The following CPNE5 variants were observed in gnomAD, a reference collection of about 807,000 sequenced individuals.
CPNE5 encodes the protein copine-5.
In CPNE5, 42 loss-of-function variants were observed where a neutral mutation model predicts 81.1. The ratio of observed to expected loss-of-function variants is 0.52; its 90% CI spans 0.40 to 0.67. The LOEUF is 0.67. Ranked by LOEUF, CPNE5 falls within the 30% of genes least tolerant of loss-of-function variation. CPNE5 has a pLI of 0.00. For synonymous variants in CPNE5, 313 were observed against 321.5 expected, an observed-to-expected ratio of 0.97 and a Z score of 0.28; for missense variants, 612 against 815.5, an observed-to-expected ratio of 0.75 and a Z score of 3.04.
intron 14 of CPNE5, among the ~76,000 whole-genome samples, chr6:36,751,109 A>T (rs1287862090): frequency 6.6e-6 from 1 of 152,248 alleles, no homozygotes; most frequent in African/African-American, 2.4e-5. Context: ...CTGGGCATGC[A>T]TGCCAGGCTC....
rs1237575351 is a variant in CPNE5 at position 36,775,047 on chromosome 6, C to A, written c.651G>T (p.Lys217Asn). 1 of 1,614,074 alleles carries A rather than the reference C, an allele frequency of 6.2e-7. No homozygotes were observed. Among genetic ancestry groups the A allele is most frequent in the South Asian group, 1.1e-5 (1 of 91,068 alleles). The part of the protein sequence containing the change: ...NEDGTFTICH[K>N]TEVMKNTLNP... Reference sequence around the variant, plus strand: ...TTAGGGTGTTCTTCATGACCTCGGTCTTGTGGCAAATGGTGAACCTGGTGA... The same window carrying A: ...TTAGGGTGTTCTTCATGACCTCGGTATTGTGGCAAATGGTGAACCTGGTGA... The change falls in exon 10 of 21, where the codon AAG becomes AAT. Residue 217 changes from lysine to asparagine, a missense_variant. Coordinates refer to ENST00000244751, the MANE Select transcript of CPNE5 (RefSeq NM_020939.2).
intron 12 of CPNE5, among the ~76,000 whole-genome samples, chr6:36,760,981 C>T (rs920609433): frequency 2.0e-5 from 3 of 152,226 alleles, no homozygotes; most frequent in Admixed American, 1.3e-4. Flanking sequence ...AGTGCTTCTG[C>T]CTCCCAGTGT....
chr6:36,838,402 G>A (rs1425883208), intron 1 of CPNE5, among the ~76,000 whole-genome samples: 5 of 152,236 alleles, frequency 3.3e-5, no homozygotes, highest in Non-Finnish European at 7.3e-5. Flanking sequence ...GCCACAGAGA[G>A]ACTGAACTAG....
At chr6:36,777,774 A>ACACACACC (rs1767674834) in intron 9 of CPNE5, among the ~76,000 whole-genome samples, 1 of 9,290 alleles carries the variant, frequency 1.1e-4, no homozygotes, top group African/African-American at 2.8e-4. Flanking sequence ...CACCACACAC[A>ACACACACC]CACACACACA....
chr6:36,780,597 G>A (rs549796817), intron 8 of CPNE5, among the ~76,000 whole-genome samples: 4 of 152,256 alleles, frequency 2.6e-5, no homozygotes, highest in East Asian at 1.9e-4. Flanking sequence ...CGCTGTGTGC[G>A]TGTGAGCTGT....
At chr6:36,799,865 C>T in intron 4 of CPNE5, 102 bp downstream of exon 4, 1 of 831,472 alleles carries the variant, frequency 1.2e-6, no homozygotes, top group Admixed American at 2.0e-5. Context: ...CCTGGGCTCC[C>T]ACTAATTTCT....
chr6:36,810,847 G>A (rs1458210294), intron 3 of CPNE5, among the ~76,000 whole-genome samples: 1 of 152,202 alleles, frequency 6.6e-6, no homozygotes, highest in East Asian at 1.9e-4. Flanking sequence ...TTTTGTTAAG[G>A]CTTCCAGGTA....
At chr6:36,752,905 A>T (rs2150381721) in intron 14 of CPNE5, 129 bp downstream of exon 14, 1 of 700,482 alleles carries the variant, frequency 1.4e-6, no homozygotes, top group South Asian at 1.8e-5. Context: ...GGGTTTGCTC[A>T]GAGCCCAGCA....
At chr6:36,829,965 C>T (rs1362621060) in intron 1 of CPNE5, among the ~76,000 whole-genome samples, 4 of 151,522 alleles carry the variant, frequency 2.6e-5, no homozygotes, top group African/African-American at 9.7e-5. Context: ...AAACATCTGG[C>T]AAATGGAGTG....
intron 16 of CPNE5, among the ~76,000 whole-genome samples, chr6:36,745,976 C>T (rs1764113903): frequency 6.6e-6 from 1 of 152,198 alleles, no homozygotes; most frequent in Admixed American, 6.5e-5. Flanking sequence ...CCTGTGCAAT[C>T]ATCTCCACAG....
chr6:36,773,006 AT>A (rs886594514), intron 10 of CPNE5, among the ~76,000 whole-genome samples: 13 of 151,906 alleles, frequency 8.6e-5, no homozygotes, highest in African/African-American at 3.1e-4. Context: ...TACCCAGATA[AT>A]TTTTTTTAAT....
chr6:36,748,182 C>G lies in CPNE5; in HGVS notation c.1018+39G>C, dbSNP rs753722526. On this transcript the variant is annotated intron_variant, in intron 15 of 20. Coordinates refer to ENST00000244751, the MANE Select transcript of CPNE5 (RefSeq NM_020939.2). ...AGATGCCACAGCCCTTAAAAGCTCT[C>G]TCCTCCCACCCTGCTCCTCTACCCA... 2.5e-5 allele frequency: 40 copies of G among 1,601,262 alleles called. No individual in the cohort carries two copies. The Middle Eastern group carries it at 1.5e-3, about 59-fold the overall frequency.
Position 36,742,466 on chromosome 6 carries a change from G to A in CPNE5, c.1584C>T (p.Tyr528=), listed in dbSNP as rs200166457. 10 of 1,612,590 alleles carry A rather than the reference G, an allele frequency of 6.2e-6. No homozygotes were observed. The highest frequency in any genetic ancestry group is 2.7e-5 in the African/African-American group (2 of 75,032). The change falls in exon 21 of 21, where the codon TAC becomes TAT. Residue 528 remains tyrosine (Y), a synonymous_variant. Transcript: ENST00000244751. ...GCACGTGGTTGCCTGTGCGGTCCAC[G>A]TAGTCCCGGAAGGGTACAAACTGGC... ...DIVQFVPFRD[Y]VDRTGNHVLS... is the part of the protein sequence containing the mutation.
chr6:36,753,278 G>A (rs1765045635), intron 13 of CPNE5, among the ~76,000 whole-genome samples, 183 bp from the exon 14 acceptor site: 1 of 152,232 alleles, frequency 6.6e-6, no homozygotes, highest in Non-Finnish European at 1.5e-5. Context: ...CAAGGAAACT[G>A]AAACCCAAAG....
chr6:36,827,723 C>A (rs1439734811), intron 1 of CPNE5: 5 of 985,420 alleles, frequency 5.1e-6, no homozygotes, highest in Non-Finnish European at 6.0e-6. Flanking sequence ...AAGCACACAG[C>A]CAAAAGCCTG....
At chr6:36,756,150 G>A (rs565536465) in intron 13 of CPNE5, 95 bp downstream of exon 13, 2 of 885,764 alleles carry the variant, frequency 2.3e-6, no homozygotes, top group African/African-American at 1.7e-5. Context: ...CTCAGCCCCT[G>A]CACACACACA....
intron 12 of CPNE5, chr6:36,757,360 T>C: frequency 1.2e-5 from 12 of 985,452 alleles, no homozygotes; most frequent in Non-Finnish European, 1.3e-5. Flanking sequence ...GGCCGTCAGC[T>C]GATCTTTACC....
At chr6:36,752,151 G>A (rs1764909928) in intron 14 of CPNE5, among the ~76,000 whole-genome samples, 1 of 152,120 alleles carries the variant, frequency 6.6e-6, no homozygotes, top group Non-Finnish European at 1.5e-5. Flanking sequence ...GGAGAACCAG[G>A]CAGCCAAGGG....
At chr6:36,779,902 C>T (rs979057819) in intron 8 of CPNE5, among the ~76,000 whole-genome samples, 5 of 152,144 alleles carry the variant, frequency 3.3e-5, no homozygotes, top group Admixed American at 6.5e-5. Context: ...AGGGCTCTGT[C>T]GTCCAGACCC....
Sources: gnomAD v4.1 joint callset for allele counts (sites outside exome capture counted in the v4.1 genomes callset) on GRCh38, gnomAD v4.1.1 for gene constraint, MANE v1.5 for transcripts, NCBI Gene and HGNC (gene_info 2026-07-23, HGNC 2026-07-21) for gene names.